YPEL2: variants seen among roughly 807,000 people sequenced by gnomAD.
YPEL2 encodes yippee like 2.
YPEL2 carries 2 observed loss-of-function variants against 19.1 expected under a neutral mutation model. That is an observed-to-expected ratio of 0.10 (90% confidence interval 0.04 to 0.33). YPEL2 has a LOEUF of 0.33. YPEL2 is among the 10% of genes least tolerant of loss of function. YPEL2 has a pLI of 1.00. For missense variants in YPEL2, 66 were observed against 140.7 expected (o/e 0.47, Z 2.68); for synonymous variants, 52 against 50.0 (o/e 1.04, Z -0.17).
chr17:59,353,545 C>G lies in YPEL2; in HGVS notation c.117+19C>G. ...TTCCAAGGTACACATTTCCAGCAGG[C>G]CTTCCTTGCCTACCCCGGGGAGGGC... On this transcript the variant is annotated intron_variant, in intron 2 of 4. Transcript: ENST00000312655. This position sits in a 1 kb window ranked among gnomAD's most constrained non-coding sequence, Gnocchi z 4.8. 6.3e-7 allele frequency: 1 copy of G among 1,587,380 alleles called. No homozygotes were observed. Among genetic ancestry groups the G allele is most frequent in the South Asian group, 1.1e-5 (1 of 90,554 alleles).
At chr17:59,397,073 ATCTCTTC>A (rs1567765776) in intron 4 of YPEL2, 21 bp from the exon 5 acceptor site, 2 of 1,560,338 alleles carry the variant, frequency 1.3e-6, no homozygotes, top group Non-Finnish European at 1.7e-6. Flanking sequence ...GTCGTTCAGT[ATCTCTTC>A]TCTGCTTCTG....
chr17:59,388,413 C>T (rs1409648663), intron 3 of YPEL2, 43 bp downstream of exon 3: 7 of 1,594,480 alleles, frequency 4.4e-6, no homozygotes, highest in South Asian at 2.2e-5. Context: ...GGTACAGATT[C>T]GAGGGATGGG....
At chr17:59,341,712 A>G (rs73323185) in intron 1 of YPEL2, among the ~76,000 whole-genome samples, 6,738 of 152,272 alleles carry the variant, frequency 0.044, 521 homozygotes, top group African/African-American at 0.15. Context: ...CATTTGCTGG[A>G]CCTCAAAGGA....
chr17:59,337,441 G>A (rs1161296327), intron 1 of YPEL2, among the ~76,000 whole-genome samples: 1 of 151,846 alleles, frequency 6.6e-6, no homozygotes, highest in Non-Finnish European at 1.5e-5. Context: ...CGCCCGCCTC[G>A]GCCTCCCAAA....
chr17:59,350,191 C>T (rs1302610121), intron 1 of YPEL2, among the ~76,000 whole-genome samples: 1 of 152,042 alleles, frequency 6.6e-6, no homozygotes, highest in Non-Finnish European at 1.5e-5. Context: ...TGGCCTCAGC[C>T]TCTCAAGTAG....
intron 3 of YPEL2, 65 bp downstream of exon 3, chr17:59,388,435 C>A (rs2047991968): frequency 1.3e-6 from 2 of 1,517,222 alleles, no homozygotes; most frequent in African/African-American, 1.4e-5. Flanking sequence ...AAAAGCAATC[C>A]TTGGTGATAA....
At chr17:59,351,871 C>T (rs1289156276) in intron 1 of YPEL2, among the ~76,000 whole-genome samples, 7 of 152,152 alleles carry the variant, frequency 4.6e-5, no homozygotes, top group African/African-American at 1.7e-4. Flanking sequence ...GGGGTGGTGG[C>T]TGATATTGTC....
rs190225320 is a variant in YPEL2 at position 59,348,320 on chromosome 17, C to T, written c.-195-4895C>T. 2.1e-4 allele frequency among the ~76,000 whole-genome samples: 32 copies of T among 152,342 alleles called. No individual in the cohort carries two copies. In the East Asian group the frequency reaches 5.6e-3, roughly 27 times the overall value. On this transcript the variant is annotated intron_variant, in intron 1 of 4. Transcript: ENST00000312655. Reference sequence around the variant, plus strand: ...ACTTCTCAGGTCAGTTTCCGTGGCTCGGCATGTGGTGGTCCAGCCTTGCTT... The same window carrying T: ...ACTTCTCAGGTCAGTTTCCGTGGCTTGGCATGTGGTGGTCCAGCCTTGCTT...
intron 1 of YPEL2, among the ~76,000 whole-genome samples, chr17:59,351,968 T>G (rs1482116886): frequency 6.6e-6 from 1 of 152,134 alleles, no homozygotes; most frequent in Non-Finnish European, 1.5e-5. Flanking sequence ...ACTGTTTTGG[T>G]GGGAAGGATT....
At position 59,400,392 on chromosome 17, in the gene YPEL2, A is replaced by G. The variant is rs2147964534; in HGVS notation, c.*3202A>G. 6.6e-6 allele frequency: 1 copy of G among 152,538 alleles called. No homozygotes were observed. The highest frequency in any genetic ancestry group is 2.4e-5 in the African/African-American group (1 of 41,528). The allele number at this position is 152,538 out of a possible 1,614,324, so 9.4% of individuals were successfully genotyped here. A position where few individuals can be genotyped will look rare whatever the true frequency, so the allele number is the denominator to read the frequency against. ...GTGCTGTTTTCTCAGATCCCCTGAGAGCACTTTTTATTTTCCTTTTAAATT... is the reference window on the plus strand; with the variant it reads ...GTGCTGTTTTCTCAGATCCCCTGAGGGCACTTTTTATTTTCCTTTTAAATT... On this transcript the variant is annotated 3_prime_UTR_variant, in exon 5 of 5. Coordinates refer to ENST00000312655, the MANE Select transcript of YPEL2 (RefSeq NM_001005404.4).
In YPEL2 at chr17:59,360,896, A is replaced by G. The variant is rs138232264; in HGVS notation, c.117+7370A>G. ...ACCCAGGCTGGAGTGCAGTGGTGCA[A>G]TCTTGGCTCACTGCAATCTCTGCCT... On this transcript the variant is annotated intron_variant, in intron 2 of 4. Coordinates refer to ENST00000312655, the MANE Select transcript of YPEL2 (RefSeq NM_001005404.4). Among the ~76,000 whole-genome samples, 1,178 of 152,192 alleles carry G rather than the reference A, an allele frequency of 7.7e-3. 24 individuals carry two copies. Among genetic ancestry groups the G allele is most frequent in the African/African-American group, 0.027 (1,109 of 41,500 alleles).
chr17:59,362,177 A>G (rs910163958), intron 2 of YPEL2, among the ~76,000 whole-genome samples: 1 of 152,182 alleles, frequency 6.6e-6, no homozygotes, highest in Admixed American at 6.5e-5. Flanking sequence ...TGTCCATTGC[A>G]GTGGTCCGAA....
chr17:59,353,667 T>C lies in YPEL2; in HGVS notation c.117+141T>C, dbSNP rs2047798425. 1.4e-6 allele frequency: 1 copy of C among 730,872 alleles called. No individual in the cohort carries two copies. Among genetic ancestry groups the C allele is most frequent in the Non-Finnish European group, 2.5e-6 (1 of 402,936 alleles). The allele number at this position is 730,872 out of a possible 1,614,324, so 45.3% of individuals were successfully genotyped here. A position where few individuals can be genotyped will look rare whatever the true frequency, so the allele number is the denominator to read the frequency against. On this transcript the variant is annotated intron_variant, in intron 2 of 4. Transcript: ENST00000312655. The surrounding 1 kb of genome is among the most constrained non-coding windows in gnomAD (Gnocchi z 4.8). ...GGGCTGACCCACGTGACCGTCTCAC[T>C]CAACTGAGAAAAACTCTGAGTTGGA...
chr17:59,333,647 G>A (rs1302069348), intron 1 of YPEL2, among the ~76,000 whole-genome samples: 4 of 152,072 alleles, frequency 2.6e-5, no homozygotes, highest in Admixed American at 2.6e-4. Context: ...ATCAACTGCT[G>A]GTTATGACCC....
rs192475895 is a variant in YPEL2, at chr17:59,374,578, C to A, written c.118-13749C>A. Among the ~76,000 whole-genome samples, 44 of 152,012 alleles carry A rather than the reference C, an allele frequency of 2.9e-4. No individual in the cohort carries two copies. The East Asian group carries it at 5.6e-3, about 19-fold the overall frequency. On this transcript the variant is annotated intron_variant, in intron 2 of 4. Coordinates refer to ENST00000312655, the MANE Select transcript of YPEL2 (RefSeq NM_001005404.4). ...TCGGTTTGTGCATGTAACCTGAAGC[C>A]CAATTAATTGTTTCAGTAAGGCCTG...
At chr17:59,370,765 GGTGGCCCTC>G (rs2047893228) in intron 2 of YPEL2, among the ~76,000 whole-genome samples, 1 of 90,344 alleles carries the variant, frequency 1.1e-5, no homozygotes, top group Non-Finnish European at 2.1e-5. Context: ...GAGGGGCACA[GGTGGCCCTC>G]AGCAGGGGCA....
At chr17:59,349,304 T>G (rs1393995061) in intron 1 of YPEL2, among the ~76,000 whole-genome samples, 1 of 151,670 alleles carries the variant, frequency 6.6e-6, no homozygotes, top group African/African-American at 2.4e-5. Flanking sequence ...TCTCTCAGCT[T>G]GTTCCTCTCA....
Position 59,400,683 on chromosome 17 carries a change from G to A in YPEL2, c.*3493G>A, listed in dbSNP as rs192933273. 6.5e-6 allele frequency: 1 copy of A among 152,682 alleles called. No individual in the cohort carries two copies. Among genetic ancestry groups the A allele is most frequent in the East Asian group, 1.9e-4 (1 of 5,188 alleles). The allele number at this position is 152,682 out of a possible 1,614,324, so 9.5% of individuals were successfully genotyped here. A position where few individuals can be genotyped will look rare whatever the true frequency, so the allele number is the denominator to read the frequency against. On this transcript the variant is annotated 3_prime_UTR_variant, in exon 5 of 5. Coordinates refer to ENST00000312655, the MANE Select transcript of YPEL2 (RefSeq NM_001005404.4). Reference sequence around the variant, plus strand: ...GTTAATTTAGTAGTAACAACTTACAGTGATTCTTCCTGTTGGAAGAATTTC... The same window carrying A: ...GTTAATTTAGTAGTAACAACTTACAATGATTCTTCCTGTTGGAAGAATTTC...
chr17:59,393,032 T>C lies in YPEL2; in HGVS notation c.270+3564T>C, dbSNP rs193030571. Among the ~76,000 whole-genome samples the C allele has an allele frequency of 2.0e-5, 3 of 152,336 alleles. No homozygotes were observed. The East Asian group carries it at 5.8e-4, about 29-fold the overall frequency. Reference sequence around the variant, plus strand: ...GTGATGGTTCAATGCTGGGAAGCAGTAGAGGCAGGATTAGTTGGTGTGTTT... The same window carrying C: ...GTGATGGTTCAATGCTGGGAAGCAGCAGAGGCAGGATTAGTTGGTGTGTTT... On this transcript the variant is annotated intron_variant, in intron 4 of 4. Transcript: ENST00000312655.
Sources: allele counts gnomAD v4.1 joint callset (sites outside exome capture counted in the v4.1 genomes callset), GRCh38; gene constraint gnomAD v4.1.1; non-coding constraint Gnocchi (gnomAD v3.1); transcripts MANE v1.5; gene names NCBI Gene and HGNC (gene_info 2026-07-23, HGNC 2026-07-21).